NAA11: variants seen among roughly 807,000 people sequenced by gnomAD.
NAA11 encodes N-alpha-acetyltransferase 11, NatA catalytic subunit.
NAA11 carries 15 observed loss-of-function variants against 16.1 expected under a neutral mutation model. The observed-to-expected ratio is 0.93, with a 90% CI of 0.62 to 1.44. The LOEUF (loss-of-function observed/expected upper bound fraction) is 1.44, where lower values mean the gene tolerates loss of function less well. NAA11 is among the 40% of genes most tolerant of loss of function. NAA11 has a pLI of 0.00. For missense variants in NAA11, 298 were observed against 291.3 expected, an observed-to-expected ratio of 1.02 and a Z score of -0.17; for synonymous variants, 122 against 112.4, an observed-to-expected ratio of 1.09 and a Z score of -0.54.
intron 1 of NAA11, among the ~76,000 whole-genome samples, chr4:79,306,150 T>TA (rs1414684577): frequency 6.6e-6 from 1 of 152,204 alleles, no homozygotes; most frequent in Non-Finnish European, 1.5e-5. Context: ...CTGAGCAAGT[T>TA]AGAGATGACT....
At position 79,253,020 on chromosome 4, in the gene NAA11, G is replaced by A. The variant is rs1032436249; in HGVS notation, c.*123-26750C>T. On this transcript the variant is annotated intron_variant and NMD_transcript_variant, in intron 2 of 2. Coordinates refer to the NAA11 transcript ENST00000511542. ...GGTGATAATGGCTGGGATCAGGGAAGTAGTAGTAGAAGTGGTGAGAAGTAG... is the reference window on the plus strand; with the variant it reads ...GGTGATAATGGCTGGGATCAGGGAAATAGTAGTAGAAGTGGTGAGAAGTAG... Among the ~76,000 whole-genome samples the A allele has an allele frequency of 2.6e-5, 4 of 152,178 alleles. No individual in the cohort carries two copies. The South Asian group carries it at 8.3e-4, about 32-fold the overall frequency.
At chr4:79,164,210 G>A in the NAA11 span, among the ~76,000 whole-genome samples, 1 of 152,080 alleles carries the variant, frequency 6.6e-6, no homozygotes, top group Non-Finnish European at 1.5e-5. Context: ...AGTCACTATT[G>A]TAGTCTTCAT....
intron 2 of NAA11, among the ~76,000 whole-genome samples, chr4:79,284,412 G>A (rs929589700): frequency 6.6e-6 from 1 of 152,028 alleles, no homozygotes; most frequent in Non-Finnish European, 1.5e-5. Context: ...ATCTTCCTCT[G>A]AGGTAGAGCA....
At chr4:79,165,805 G>A in the NAA11 span, among the ~76,000 whole-genome samples, 86 of 152,234 alleles carry the variant, frequency 5.6e-4, no homozygotes, top group African/African-American at 1.9e-3. Context: ...GATTGACTTG[G>A]CTGTGATTTT....
At chr4:79,169,991 A>C in the NAA11 span, among the ~76,000 whole-genome samples, 1 of 152,176 alleles carries the variant, frequency 6.6e-6, no homozygotes, top group Non-Finnish European at 1.5e-5. Flanking sequence ...CTGACCCTAC[A>C]TGCTCTTCTG....
chr4:79,226,034 T>C (rs1436578303), exon 3 of NAA11: 1 of 152,132 alleles, frequency 6.6e-6, no homozygotes, highest in Non-Finnish European at 1.5e-5. Flanking sequence ...TATTTTACCA[T>C]AGCATCACCA....
chr4:79,220,568 T>C, the NAA11 span, among the ~76,000 whole-genome samples: 1 of 152,136 alleles, frequency 6.6e-6, no homozygotes, highest in Non-Finnish European at 1.5e-5. Context: ...ATAATCTTTA[T>C]GCTGAATGTC....
At chr4:79,321,295 T>G (rs1248072966) in intron 1 of NAA11, among the ~76,000 whole-genome samples, 1 of 152,218 alleles carries the variant, frequency 6.6e-6, no homozygotes, top group Non-Finnish European at 1.5e-5. Context: ...GAAACTATGC[T>G]GTGTTGTTGC....
the NAA11 span, among the ~76,000 whole-genome samples, chr4:79,216,829 A>G: frequency 3.3e-5 from 5 of 152,180 alleles, no homozygotes; most frequent in Non-Finnish European, 7.3e-5. Flanking sequence ...TGCCCAAGCC[A>G]GTATTGATGG....
the NAA11 span, among the ~76,000 whole-genome samples, chr4:79,200,526 T>A: frequency 6.6e-6 from 1 of 151,842 alleles, no homozygotes; most frequent in East Asian, 1.9e-4. Context: ...GTTTCTGCCT[T>A]CCTGAAAGAA....
downstream of NAA11, among the ~76,000 whole-genome samples, chr4:79,224,930 C>T (rs1023183737): frequency 1.1e-4 from 16 of 152,020 alleles, no homozygotes; most frequent in African/African-American, 3.4e-4. Context: ...CCGACCAGTA[C>T]TTCTCAAAAT....
At chr4:79,217,305 C>T in the NAA11 span, among the ~76,000 whole-genome samples, 107,817 of 152,038 alleles carry the variant, frequency 0.71, 40,542 homozygotes, top group East Asian at 0.89. Context: ...AAAGCTACTA[C>T]CTATCAAACT....
chr4:79,261,421 C>G (rs1275088746), intron 2 of NAA11, among the ~76,000 whole-genome samples: 3 of 152,138 alleles, frequency 2.0e-5, no homozygotes, highest in African/African-American at 7.2e-5. Context: ...CTCTCCAAGT[C>G]AACTATATAA....
chr4:79,199,875 C>A, the NAA11 span, among the ~76,000 whole-genome samples: 1 of 151,936 alleles, frequency 6.6e-6, no homozygotes, highest in Non-Finnish European at 1.5e-5. Flanking sequence ...ATGAGGGTGT[C>A]TATGGAGCTT....
At chr4:79,190,903 G>C in the NAA11 span, among the ~76,000 whole-genome samples, 1 of 151,926 alleles carries the variant, frequency 6.6e-6, no homozygotes, top group Non-Finnish European at 1.5e-5. Flanking sequence ...GCTTCCACTT[G>C]TAAGTGAGAA....
At chr4:79,189,721 T>C in the NAA11 span, among the ~76,000 whole-genome samples, 2 of 152,192 alleles carry the variant, frequency 1.3e-5, no homozygotes, top group Non-Finnish European at 2.9e-5. Flanking sequence ...CCATCCCCTA[T>C]CTGAATACTT....
chr4:79,279,859 C>A (rs1722744637), intron 2 of NAA11, among the ~76,000 whole-genome samples: 1 of 152,056 alleles, frequency 6.6e-6, no homozygotes, highest in Non-Finnish European at 1.5e-5. Context: ...CTGCCTAAAT[C>A]AAATCCCTGG....
chr4:79,180,434 A>C, the NAA11 span, among the ~76,000 whole-genome samples: 1 of 152,242 alleles, frequency 6.6e-6, no homozygotes, highest in Admixed American at 6.5e-5. Context: ...GGATATGAAC[A>C]GACACTTCTC....
chr4:79,206,468 C>T, the NAA11 span, among the ~76,000 whole-genome samples: 5 of 152,028 alleles, frequency 3.3e-5, no homozygotes, highest in African/African-American at 4.8e-5. Context: ...GTCTGCTAGC[C>T]GTAATAGAGA....
Sources: allele counts gnomAD v4.1 joint callset (sites outside exome capture counted in the v4.1 genomes callset), GRCh38; gene constraint gnomAD v4.1.1; transcripts MANE v1.5; gene names NCBI Gene and HGNC (gene_info 2026-07-23, HGNC 2026-07-21).